GCNT2: variants seen among roughly 807,000 people sequenced by gnomAD.
GCNT2 encodes glucosaminyl (N-acetyl) transferase 2 (I blood group), also known as N-acetyllactosaminide beta-1,6-N-acetylglucosaminyl-transferase.
GCNT2 carries 34 observed loss-of-function variants against 34.2 expected under a neutral mutation model. The observed-to-expected ratio is 1.00, with a 90% CI of 0.76 to 1.32. The LOEUF is 1.32. Among genes scored for constraint, GCNT2 ranks in the 40% most tolerant of loss-of-function variants. GCNT2 has a pLI of 0.00. For synonymous variants in GCNT2, 212 were observed against 188.0 expected, an observed-to-expected ratio of 1.13 and a Z score of -1.04; for missense variants, 584 against 489.4, an observed-to-expected ratio of 1.19 and a Z score of -1.82.
At chr6:10,551,428 T>A (rs1762472308) in intron 3 of GCNT2, among the ~76,000 whole-genome samples, 2 of 144,342 alleles carry the variant, frequency 1.4e-5, no homozygotes, top group Non-Finnish European at 1.5e-5. Context: ...TTAATTTTTA[T>A]TATTTATTAT....
chr6:10,614,981 T>C (rs1765702778), intron 3 of GCNT2, among the ~76,000 whole-genome samples: 1 of 152,222 alleles, frequency 6.6e-6, no homozygotes, highest in African/African-American at 2.4e-5. Flanking sequence ...AAGGAGGTGA[T>C]GTGAGAGATC....
At chr6:10,545,005 AAAAT>A (rs1224418133) in intron 3 of GCNT2, among the ~76,000 whole-genome samples, 5 of 152,144 alleles carry the variant, frequency 3.3e-5, no homozygotes, top group East Asian at 1.9e-4. Flanking sequence ...AGCTGCTGGG[AAAAT>A]AAATAAAGCA....
chr6:10,589,808 TATACTC>T (rs374937038), intron 3 of GCNT2, among the ~76,000 whole-genome samples: 486 of 152,308 alleles, frequency 3.2e-3, no homozygotes, highest in African/African-American at 0.011. Context: ...TCACTACAGA[TATACTC>T]AGAAAAGGAA....
At chr6:10,609,104 GT>G (rs1765445536) in intron 3 of GCNT2, among the ~76,000 whole-genome samples, 1 of 152,200 alleles carries the variant, frequency 6.6e-6, no homozygotes, top group South Asian at 2.1e-4. Context: ...ATCAAATGTG[GT>G]TTATGGGCTC....
chr6:10,535,166 A>G (rs940529485), intron 3 of GCNT2, among the ~76,000 whole-genome samples: 9 of 152,286 alleles, frequency 5.9e-5, no homozygotes, highest in African/African-American at 2.2e-4. Context: ...CCTGGGTGAC[A>G]GAGCGAGACT....
At chr6:10,575,196 G>T (rs1763750403) in intron 3 of GCNT2, 2 of 380,260 alleles carry the variant, frequency 5.3e-6, no homozygotes, top group Admixed American at 5.8e-5. Context: ...CATACATTGG[G>T]TGCCTCTCCT....
chr6:10,530,914 C>T (rs1389635003), intron 3 of GCNT2, among the ~76,000 whole-genome samples: 3 of 151,792 alleles, frequency 2.0e-5, no homozygotes, highest in Non-Finnish European at 4.4e-5. Context: ...ATTAGCCAGG[C>T]GTGGTGGCGC....
chr6:10,589,325 GTGTT>G (rs1213085035), intron 3 of GCNT2, among the ~76,000 whole-genome samples: 4 of 121,234 alleles, frequency 3.3e-5, no homozygotes, highest in Non-Finnish European at 6.0e-5. Context: ...GTAGTGTGGT[GTGTT>G]TGTAGTGTGT....
intron 1 of GCNT2, among the ~76,000 whole-genome samples, chr6:10,525,428 CT>C (rs1761137494): frequency 1.3e-5 from 2 of 152,072 alleles, no homozygotes; most frequent in African/African-American, 4.8e-5. Flanking sequence ...ATCTCGCGTC[CT>C]TTTGGTCACT....
chr6:10,569,251 A>ACT (rs1763425424), intron 3 of GCNT2, among the ~76,000 whole-genome samples: 1 of 147,616 alleles, frequency 6.8e-6, no homozygotes, highest in African/African-American at 2.5e-5. Flanking sequence ...ACACACACAC[A>ACT]CACACACACA....
chr6:10,555,875 G>A lies in GCNT2; in HGVS notation c.925+26039G>A, dbSNP rs886060901. On this transcript the variant is annotated intron_variant, in intron 3 of 4. Transcript: ENST00000495262. ...AGCTATTTTCTATCCCGTGGGTTGC[G>A]CTGGAAGAGCTGAGAGGCCAGGCTG... is the stretch of plus-strand genomic sequence containing the variant. 2.0e-6 allele frequency: 2 copies of A among 992,964 alleles called. No homozygotes were observed. The highest frequency in any genetic ancestry group is 5.7e-5 in the Admixed American group (1 of 17,644). 61.5% of individuals were successfully genotyped at this position (992,964 alleles called of 1,614,324 possible). A position where few individuals can be genotyped will look rare whatever the true frequency, so the allele number is the denominator to read the frequency against.
At chr6:10,596,985 C>T (rs1158963960) in intron 3 of GCNT2, among the ~76,000 whole-genome samples, 1 of 152,078 alleles carries the variant, frequency 6.6e-6, no homozygotes, top group Non-Finnish European at 1.5e-5. Flanking sequence ...TGAAAGAATA[C>T]AAACTTTGGA....
At chr6:10,604,283 A>G (rs1765217286) in intron 3 of GCNT2, among the ~76,000 whole-genome samples, 1 of 152,124 alleles carries the variant, frequency 6.6e-6, no homozygotes, top group Admixed American at 6.6e-5. Flanking sequence ...ACTTTAATGT[A>G]TTATTTGAAA....
chr6:10,569,274 C>CA (rs1491123758), intron 3 of GCNT2, among the ~76,000 whole-genome samples: 49,363 of 135,366 alleles, frequency 0.36, 11,874 homozygotes, highest in South Asian at 0.44. Context: ...CACACACACA[C>CA]CCCCTAGGTA....
rs6907548 is a variant in GCNT2 at position 10,576,804 on chromosome 6, T to G, written c.926-44547T>G. Among the ~76,000 whole-genome samples the G allele has an allele frequency of 7.7e-3, 1,171 of 152,304 alleles. 17 individuals carry two copies. The highest frequency in any genetic ancestry group is 0.025 in the African/African-American group (1,042 of 41,566). ...GAAGCACTCAAGAAGCCGGATACAG[T>G]GGCTCAAGCCTGTAATCCCATCACT... On this transcript the variant is annotated intron_variant, in intron 3 of 4. Transcript: ENST00000495262.
intron 3 of GCNT2, among the ~76,000 whole-genome samples, chr6:10,537,719 AAAAAAAAC>A (rs1761834722): frequency 8.4e-6 from 1 of 119,678 alleles, no homozygotes; most frequent in African/African-American, 3.0e-5. Flanking sequence ...AAAAAAAAAA[AAAAAAAAC>A]AAAACAAAGA....
chr6:10,599,267 G>T lies in GCNT2; in HGVS notation c.926-22084G>T, dbSNP rs139642997. Among the ~76,000 whole-genome samples the T allele has an allele frequency of 9.8e-3, 1,496 of 152,290 alleles. 11 individuals are homozygous for T. The highest frequency in any genetic ancestry group is 0.015 in the Non-Finnish European group (1,030 of 68,040). On this transcript the variant is annotated intron_variant, in intron 3 of 4. Transcript: ENST00000495262. ...GCTGTTCACAGGCGCGTCAGTCCAC[G>T]TACTGCAACGCTAGGAAACACAGGG...
intron 3 of GCNT2, among the ~76,000 whole-genome samples, chr6:10,601,939 T>TTAAAAAAAAAAAAA (rs1561830857): frequency 7.9e-5 from 6 of 76,386 alleles, no homozygotes; most frequent in African/African-American, 4.6e-4. Flanking sequence ...AGACTCCATC[T>TTAAAAAAAAAAAAA]CAAGAAAAAA....
chr6:10,602,047 G>A (rs1182566074), intron 3 of GCNT2, among the ~76,000 whole-genome samples: 1 of 152,122 alleles, frequency 6.6e-6, no homozygotes, highest in Non-Finnish European at 1.5e-5. Flanking sequence ...AGGCAGAGGA[G>A]AGGGTACGAG....
Sources: gnomAD v4.1 joint callset for allele counts (sites outside exome capture counted in the v4.1 genomes callset) on GRCh38, gnomAD v4.1.1 for gene constraint, MANE v1.5 for transcripts, NCBI Gene and HGNC (gene_info 2026-07-23, HGNC 2026-07-21) for gene names.